TUT4: variants seen among roughly 807,000 people sequenced by gnomAD.
TUT4 encodes the protein terminal uridylyl transferase 4.
TUT4 carries 36 observed loss-of-function variants against 192.2 expected under a neutral mutation model. The observed-to-expected ratio is 0.19, with a 90% CI of 0.14 to 0.25. The LOEUF is 0.25. Among genes scored for constraint, TUT4 ranks in the 10% least tolerant of loss-of-function variants. The pLI, the probability that TUT4 is intolerant of heterozygous loss-of-function variation, is 1.00. For synonymous variants in TUT4, 618 were observed against 666.0 expected (o/e 0.93, Z 1.11); for missense variants, 1,493 against 1,957.2 (o/e 0.76, Z 4.47).
intron 4 of TUT4, among the ~76,000 whole-genome samples, chr1:52,504,171 T>G (rs1674895032): frequency 6.6e-6 from 1 of 152,202 alleles, no homozygotes; most frequent in South Asian, 2.1e-4. Flanking sequence ...CTCCCACAAT[T>G]CTACATCCTG....
intron 4 of TUT4, among the ~76,000 whole-genome samples, chr1:52,508,177 C>T (rs1475004025): frequency 1.3e-5 from 2 of 151,644 alleles, no homozygotes; most frequent in African/African-American, 4.8e-5. Context: ...ATTAAAAATA[C>T]AAAAATCAGC....
intron 4 of TUT4, among the ~76,000 whole-genome samples, chr1:52,507,742 T>C (rs1430267821): frequency 1.3e-5 from 2 of 152,028 alleles, no homozygotes; most frequent in Non-Finnish European, 2.9e-5. Context: ...TCTGAAAAAA[T>C]CCAAAATACT....
At chr1:52,503,194 T>A (rs985634755) in intron 4 of TUT4, among the ~76,000 whole-genome samples, 4 of 152,204 alleles carry the variant, frequency 2.6e-5, no homozygotes, top group Non-Finnish European at 4.4e-5. Context: ...CCACTCCATT[T>A]AAATCATTAA....
rs114366983 is a variant in TUT4, at chr1:52,493,482, T to C, written c.1318+129A>G. 1,742 of 624,620 alleles carry C rather than the reference T, an allele frequency of 2.8e-3. 27 individuals are homozygous for C. The African/African-American group carries it at 0.03, about 11-fold the overall frequency. The allele number at this position is 624,620 out of a possible 1,614,324, so 38.7% of individuals were successfully genotyped here. A position where few individuals can be genotyped will look rare whatever the true frequency, so the allele number is the denominator to read the frequency against. On this transcript the variant is annotated intron_variant, in intron 7 of 29. Transcript: ENST00000257177. The stretch of plus-strand genomic sequence containing the variant: ...AAACAAGTGTGTGTATGTATCTCCA[T>C]TTGTAATGCAATGACTCAACTATGC...
chr1:52,534,287 C>A (rs1405036338), intron 1 of TUT4, among the ~76,000 whole-genome samples: 2 of 152,184 alleles, frequency 1.3e-5, no homozygotes, highest in African/African-American at 4.8e-5. Context: ...CTAATTCTGG[C>A]ACTCGGTATC....
At chr1:52,540,156 CT>C (rs1246332564) in intron 1 of TUT4, among the ~76,000 whole-genome samples, 1 of 148,338 alleles carries the variant, frequency 6.7e-6, no homozygotes, top group Non-Finnish European at 1.5e-5. Context: ...GAGGCAGAGA[CT>C]GCAGTGAGCC....
At chr1:52,471,384 CATT>C (rs1665744034) in intron 14 of TUT4, among the ~76,000 whole-genome samples, 2 of 152,226 alleles carry the variant, frequency 1.3e-5, no homozygotes. Context: ...AATATCACAT[CATT>C]AATCCTGATT....
intron 6 of TUT4, among the ~76,000 whole-genome samples, chr1:52,494,949 C>T (rs747496220): frequency 6.6e-6 from 1 of 151,916 alleles, no homozygotes; most frequent in Non-Finnish European, 1.5e-5. Flanking sequence ...CTAGGTACTA[C>T]TTATTAAAAG....
In TUT4 at chr1:52,481,665, T is replaced by C. The variant is rs763078710; in HGVS notation, c.1636-30A>G. 4.5e-5 allele frequency: 70 copies of C among 1,545,956 alleles called. 1 individual carries two copies. In the South Asian group the frequency reaches 6.2e-4, roughly 14 times the overall value. Reference sequence around the variant, plus strand: ...ATAAAAAGGCATTCCAAATTGGTAGTGGAAAAATTATTTAAAAAAAAAAAA... The same window carrying C: ...ATAAAAAGGCATTCCAAATTGGTAGCGGAAAAATTATTTAAAAAAAAAAAA... On this transcript the variant is annotated intron_variant, in intron 10 of 29. Coordinates refer to ENST00000257177, the MANE Select transcript of TUT4 (RefSeq NM_001009881.3).
At position 52,490,810 on chromosome 1, in the gene TUT4, G is replaced by GA. The variant is rs753904395; in HGVS notation, c.1319-10dup. The GA allele has an allele frequency of 5.5e-3, 7,769 of 1,413,318 alleles. No individual in the cohort carries two copies. Among genetic ancestry groups the GA allele is most frequent in the South Asian group, 8.6e-3 (621 of 72,388 alleles). 87.5% of individuals were successfully genotyped at this position (1,413,318 alleles called of 1,614,324 possible). On this transcript the variant is annotated splice_polypyrimidine_tract_variant and intron_variant, in intron 7 of 29. Coordinates refer to ENST00000257177, the MANE Select transcript of TUT4 (RefSeq NM_001009881.3). ...CACATCTACATATAATACTAATAAG[G>GA]AAAAAAAAAAGTAAGCTAATGTCAA...
At chr1:52,532,378 T>C (rs1683711054) in intron 1 of TUT4, among the ~76,000 whole-genome samples, 2 of 151,806 alleles carry the variant, frequency 1.3e-5, no homozygotes, top group East Asian at 1.9e-4. Context: ...CACGCTGGAG[T>C]GCAGTGGCGT....
At chr1:52,463,326 T>A in intron 16 of TUT4, 1 of 991,810 alleles carries the variant, frequency 1.0e-6, no homozygotes, top group Non-Finnish European at 1.2e-6. Context: ...AGTAGGTGGC[T>A]CTAAGCAGAA....
intron 19 of TUT4, among the ~76,000 whole-genome samples, chr1:52,460,631 A>C (rs895144761): frequency 1.3e-5 from 2 of 152,208 alleles, no homozygotes; most frequent in African/African-American, 4.8e-5. Flanking sequence ...CAGCTACCAC[A>C]AAGCAGGCAC....
chr1:52,425,443 G>T lies in TUT4; in HGVS notation c.4776C>A (p.Pro1592=), dbSNP rs1649539962. The T allele has an allele frequency of 2.5e-6, 4 of 1,613,888 alleles. No homozygotes were observed. Among genetic ancestry groups the T allele is most frequent in the African/African-American group, 1.3e-5 (1 of 74,918 alleles). ...PWEHAPRPHF[P]LVPASWPYGL... ...CATAAGGCCACGAAGCTGGGACAAG[G>T]GGGAAATGGGGACGCGGTGCATGTT... The change falls in exon 29 of 30, where the codon CCC becomes CCA. Residue 1592 remains proline (P), a synonymous_variant. Transcript: ENST00000257177.
chr1:52,432,625 T>A (rs183278375), intron 27 of TUT4: 63 of 152,356 alleles, frequency 4.1e-4, no homozygotes, highest in African/African-American at 1.5e-3. Flanking sequence ...AGAATTTTTT[T>A]AAAGGCTGAT....
At chr1:52,539,295 T>C (rs141262695) in intron 1 of TUT4, among the ~76,000 whole-genome samples, 4 of 152,252 alleles carry the variant, frequency 2.6e-5, no homozygotes, top group African/African-American at 9.6e-5. Flanking sequence ...TCAGATAACA[T>C]TCAATGTTAT....
chr1:52,481,897 A>G lies in TUT4; in HGVS notation c.1542T>C (p.Asp514=), dbSNP rs757578982. ...CAAAACAGTAAGAAGGGATTCCACC[A>G]TCAGTTTGGGAGTCAATATAGCACA... ...AKLCYIDSQT[D]GGIPSYCFAL... Residue 514 remains aspartate (D), a synonymous_variant, in exon 10 of 30, where the codon GAT becomes GAC. Coordinates refer to ENST00000257177, the MANE Select transcript of TUT4 (RefSeq NM_001009881.3). The G allele has an allele frequency of 1.3e-6, 2 of 1,593,456 alleles. No individual in the cohort carries two copies. Among genetic ancestry groups the G allele is most frequent in the Non-Finnish European group, 1.7e-6 (2 of 1,174,524 alleles).
intron 11 of TUT4, among the ~76,000 whole-genome samples, chr1:52,481,155 A>G (rs1171867249): frequency 6.6e-6 from 1 of 152,216 alleles, no homozygotes; most frequent in African/African-American, 2.4e-5. Flanking sequence ...CAACTCTTAA[A>G]GGAAATTTTC....
Position 52,497,061 on chromosome 1 carries a change from T to C in TUT4, c.1122A>G (p.Arg374=), listed in dbSNP as rs1250532607. The change falls in exon 5 of 30, where the codon AGA becomes AGG. Residue 374 remains arginine (R), a synonymous_variant. Transcript: ENST00000257177. ...TTTCCTCCACAATTTCCTGACGGAC[T>C]CTGAGGTCATCATCTGTTATTCCAT... ...KEHGITDDDL[R]VRQEIVEEMS... 1 of 1,614,068 alleles carries C rather than the reference T, an allele frequency of 6.2e-7. No individual in the cohort carries two copies. The highest frequency in any genetic ancestry group is 2.2e-5 in the East Asian group (1 of 44,872).
Sources: allele counts gnomAD v4.1 joint callset (sites outside exome capture counted in the v4.1 genomes callset), GRCh38; gene constraint gnomAD v4.1.1; transcripts MANE v1.5; gene names NCBI Gene and HGNC (gene_info 2026-07-23, HGNC 2026-07-21).